The following EPHA6 variants were observed in gnomAD, a reference collection of about 807,000 sequenced individuals.
The protein encoded by EPHA6 is EPH receptor A6.
A neutral mutation model predicts 112.0 loss-of-function variants in EPHA6; 50 were observed. The observed-to-expected ratio is 0.45, with a 90% confidence interval of 0.36 to 0.56. EPHA6 has a LOEUF of 0.56. Among genes scored for constraint, EPHA6 ranks in the 20% least tolerant of loss-of-function variants. EPHA6 has a pLI of 0.00. For synonymous variants in EPHA6, 529 were observed against 490.7 expected (o/e 1.08, Z -1.03); for missense variants, 1,280 against 1,417.4 (o/e 0.90, Z 1.56).
intron 14 of EPHA6, among the ~76,000 whole-genome samples, chr3:97,697,062 G>A (rs191243177): frequency 1.2e-4 from 18 of 152,224 alleles, no homozygotes; most frequent in South Asian, 2.1e-4. Flanking sequence ...AAACAAGTTC[G>A]TTGTATTTTC....
intron 2 of EPHA6, among the ~76,000 whole-genome samples, chr3:96,925,148 A>G (rs2039968003): frequency 6.6e-6 from 1 of 152,172 alleles, no homozygotes; most frequent in African/African-American, 2.4e-5. Context: ...TATCAAGATG[A>G]TGCTGGCCTC....
chr3:97,269,854 GA>G (rs1270966166), intron 5 of EPHA6, among the ~76,000 whole-genome samples: 5 of 152,000 alleles, frequency 3.3e-5, no homozygotes, highest in Non-Finnish European at 7.4e-5. Context: ...AAGTATACAA[GA>G]AAAAAATGGC....
intron 3 of EPHA6, among the ~76,000 whole-genome samples, chr3:97,167,131 T>A (rs1006084723): frequency 5.9e-5 from 9 of 152,170 alleles, no homozygotes; most frequent in Non-Finnish European, 1.2e-4. Context: ...GCATCTTTTC[T>A]GTTTATTTAT....
At chr3:97,384,893 G>A (rs1385385944) in intron 5 of EPHA6, among the ~76,000 whole-genome samples, 1 of 152,138 alleles carries the variant, frequency 6.6e-6, no homozygotes, top group Non-Finnish European at 1.5e-5. Flanking sequence ...ATAAAGTACT[G>A]AGTTATGAGC....
intron 10 of EPHA6, among the ~76,000 whole-genome samples, chr3:97,489,051 G>A (rs528505091): frequency 5.3e-4 from 81 of 152,264 alleles, no homozygotes; most frequent in African/African-American, 1.5e-3. Context: ...TTTAGTTATC[G>A]TTCAGAAATT....
intron 11 of EPHA6, among the ~76,000 whole-genome samples, chr3:97,585,454 G>GA (rs534204933): frequency 5.5e-4 from 84 of 152,078 alleles, no homozygotes; most frequent in African/African-American, 1.9e-3. Context: ...ATAACTCAGG[G>GA]AAAAAATGAA....
intron 3 of EPHA6, among the ~76,000 whole-genome samples, chr3:97,210,880 A>G (rs552174797): frequency 6.6e-6 from 1 of 152,234 alleles, no homozygotes; most frequent in Non-Finnish European, 1.5e-5. Flanking sequence ...TACATTCTAG[A>G]TGGGTCCCTC....
At chr3:97,355,203 C>G (rs557045091) in intron 5 of EPHA6, among the ~76,000 whole-genome samples, 1 of 152,154 alleles carries the variant, frequency 6.6e-6, no homozygotes, top group Non-Finnish European at 1.5e-5. Context: ...AGTAGGTACA[C>G]AGAGAAACAC....
chr3:97,199,643 A>G (rs1436292052), intron 3 of EPHA6, among the ~76,000 whole-genome samples: 1 of 152,172 alleles, frequency 6.6e-6, no homozygotes, highest in African/African-American at 2.4e-5. Flanking sequence ...CTGTGAAATT[A>G]TATCAGTTCT....
In EPHA6 at chr3:96,939,449, A is replaced by G. The variant is rs369971671; in HGVS notation, c.451-47881A>G. Among the ~76,000 whole-genome samples the G allele has an allele frequency of 2.6e-5, 4 of 152,058 alleles. No individual in the cohort carries two copies. The East Asian group carries it at 5.8e-4, about 22-fold the overall frequency. ...TTTGTATTTCTGTGGGATCGGTGGT[A>G]ATATCCCCTTTATCATTTTTATTGC... On this transcript the variant is annotated intron_variant, in intron 2 of 17. Transcript: ENST00000389672.
intron 6 of EPHA6, chr3:97,447,869 T>G (rs909594914): frequency 1.3e-6 from 1 of 760,012 alleles, no homozygotes; most frequent in African/African-American, 1.9e-5. Flanking sequence ...TTCCAGTGCT[T>G]CTTCATGGGC....
At chr3:96,909,418 A>G (rs1302809850) in intron 2 of EPHA6, among the ~76,000 whole-genome samples, 2 of 151,958 alleles carry the variant, frequency 1.3e-5, no homozygotes, top group Admixed American at 6.6e-5. Flanking sequence ...TTCAAATACT[A>G]GTTTGATTTT....
intron 13 of EPHA6, among the ~76,000 whole-genome samples, chr3:97,637,186 A>T (rs1317743698): frequency 1.3e-5 from 2 of 152,038 alleles, no homozygotes; most frequent in African/African-American, 4.8e-5. Context: ...ACCATGCCTG[A>T]CTCATTCTCC....
intron 11 of EPHA6, among the ~76,000 whole-genome samples, chr3:97,565,499 A>C (rs929086552): frequency 3.9e-5 from 6 of 152,224 alleles, no homozygotes; most frequent in Non-Finnish European, 8.8e-5. Context: ...ATTAAATATT[A>C]GTATAATAAA....
chr3:97,012,614 T>C (rs886694019), intron 3 of EPHA6, among the ~76,000 whole-genome samples: 1 of 147,542 alleles, frequency 6.8e-6, no homozygotes, highest in Admixed American at 6.8e-5. Flanking sequence ...TGTGTATATA[T>C]ATATATATGT....
At chr3:97,085,948 T>TATATACAC (rs984404779) in intron 3 of EPHA6, among the ~76,000 whole-genome samples, 1 of 145,124 alleles carries the variant, frequency 6.9e-6, no homozygotes, top group African/African-American at 2.8e-5. Context: ...TATATATATA[T>TATATACAC]ACACACTGAG....
At chr3:97,530,891 A>G (rs1234506313) in intron 10 of EPHA6, among the ~76,000 whole-genome samples, 1 of 152,066 alleles carries the variant, frequency 6.6e-6, no homozygotes, top group East Asian at 1.9e-4. Flanking sequence ...ATGCATAGTC[A>G]GCATTTAGTT....
intron 16 of EPHA6, among the ~76,000 whole-genome samples, chr3:97,746,346 C>T (rs1576395365): frequency 6.6e-6 from 1 of 151,594 alleles, no homozygotes; most frequent in East Asian, 1.9e-4. Context: ...ATATTTATTA[C>T]CATAGAGCTT....
rs374445629 is a variant in EPHA6 at position 97,194,630 on chromosome 3, T to C, written c.1115-31634T>C. On this transcript the variant is annotated intron_variant, in intron 3 of 17. Coordinates refer to ENST00000389672, the MANE Select transcript of EPHA6 (RefSeq NM_001080448.3). Reference sequence around the variant, plus strand: ...AGTCCACTGTTTGTTGTTGATTTTCTGTCTGGAAGATCTGTCCAATGCTGA... The same window carrying C: ...AGTCCACTGTTTGTTGTTGATTTTCCGTCTGGAAGATCTGTCCAATGCTGA... 2.0e-5 allele frequency among the ~76,000 whole-genome samples: 3 copies of C among 151,666 alleles called. No homozygotes were observed. The East Asian group carries it at 5.9e-4, about 30-fold the overall frequency.
Sources: gnomAD v4.1 joint callset for allele counts (sites outside exome capture counted in the v4.1 genomes callset) on GRCh38, gnomAD v4.1.1 for gene constraint, MANE v1.5 for transcripts, NCBI Gene and HGNC (gene_info 2026-07-23, HGNC 2026-07-21) for gene names.